RAD51B: variants seen among roughly 807,000 people sequenced by gnomAD.
RAD51B encodes the protein RAD51 paralog B.
In RAD51B, 38 loss-of-function variants were observed where a neutral mutation model predicts 42.2. That is an observed-to-expected ratio of 0.90 (90% CI 0.70 to 1.18). The LOEUF is 1.18. RAD51B is among the 50% of genes most tolerant of loss of function. The pLI is 0.00. For missense variants in RAD51B, 373 were observed against 400.7 expected (o/e 0.93, Z 0.59); for synonymous variants, 154 against 145.2 (o/e 1.06, Z -0.43).
At chr14:68,552,290 G>C (rs1888615950) in intron 10 of RAD51B, among the ~76,000 whole-genome samples, 1 of 152,184 alleles carries the variant, frequency 6.6e-6, no homozygotes, top group African/African-American at 2.4e-5. Flanking sequence ...CCCAGGCATT[G>C]GGATTGGGGT....
In RAD51B at chr14:67,909,248, T is replaced by G. The variant is rs562521976; in HGVS notation, c.756+22044T>G. On this transcript the variant is annotated intron_variant, in intron 7 of 10. Coordinates refer to ENST00000471583, the MANE Select transcript of RAD51B (RefSeq NM_133510.4). Reference sequence around the variant, plus strand: ...CACATGAAAAACAAAAGACTAACACTCTAGATGTGAGGTAATAAGAGCTTA... The same window carrying G: ...CACATGAAAAACAAAAGACTAACACGCTAGATGTGAGGTAATAAGAGCTTA... Among the ~76,000 whole-genome samples, 353 of 152,098 alleles carry G rather than the reference T, an allele frequency of 2.3e-3. 2 individuals carry two copies. Among genetic ancestry groups the G allele is most frequent in the Non-Finnish European group, 2.5e-3 (172 of 68,006 alleles).
intron 10 of RAD51B, among the ~76,000 whole-genome samples, chr14:68,547,678 A>G (rs1033379637): frequency 6.6e-6 from 1 of 152,146 alleles, no homozygotes. Context: ...TGAAACTCCA[A>G]GTACAAGTGA....
At chr14:68,291,657 A>G (rs1442659909) in intron 7 of RAD51B, among the ~76,000 whole-genome samples, 2 of 152,254 alleles carry the variant, frequency 1.3e-5, no homozygotes, top group Non-Finnish European at 2.9e-5. Flanking sequence ...GAAAAAAGTC[A>G]GTCTATTTCC....
At chr14:68,330,150 C>G (rs1376806087) in intron 8 of RAD51B, among the ~76,000 whole-genome samples, 2 of 152,168 alleles carry the variant, frequency 1.3e-5, no homozygotes, top group African/African-American at 4.8e-5. Flanking sequence ...TAGCAAAGCT[C>G]TCATTCAGCT....
At chr14:68,086,357 A>C in intron 7 of RAD51B, among the ~76,000 whole-genome samples, 1 of 151,824 alleles carries the variant, frequency 6.6e-6, no homozygotes, top group Non-Finnish European at 1.5e-5. Flanking sequence ...TCCAGCCACC[A>C]TGTGTCCGCC....
chr14:68,672,655 T>A (rs1416269293), intron 11 of RAD51B, among the ~76,000 whole-genome samples: 1 of 152,162 alleles, frequency 6.6e-6, no homozygotes, highest in Non-Finnish European at 1.5e-5. Context: ...GAAATCAGTG[T>A]TTTCCTTCAA....
intron 7 of RAD51B, among the ~76,000 whole-genome samples, chr14:68,175,728 C>A (rs2078951119): frequency 6.6e-6 from 1 of 152,138 alleles, no homozygotes; most frequent in Non-Finnish European, 1.5e-5. Flanking sequence ...AGATCACCAT[C>A]TCCTAGTAAG....
intron 7 of RAD51B, among the ~76,000 whole-genome samples, chr14:68,204,815 C>G (rs1566727484): frequency 2.0e-5 from 3 of 152,128 alleles, no homozygotes; most frequent in Non-Finnish European, 4.4e-5. Context: ...TGAAAAACTC[C>G]CAAATAATTA....
intron 3 of RAD51B, among the ~76,000 whole-genome samples, chr14:67,831,067 G>A (rs910765491): frequency 1.3e-5 from 2 of 151,856 alleles, no homozygotes; most frequent in Non-Finnish European, 2.9e-5. Context: ...AGTAGAGACG[G>A]TTTCAGCATG....
intron 7 of RAD51B, among the ~76,000 whole-genome samples, chr14:68,170,334 A>G (rs2078846073): frequency 1.3e-5 from 2 of 152,144 alleles, no homozygotes; most frequent in Non-Finnish European, 2.9e-5. Context: ...CATAGTAAGC[A>G]CTCATTAAAA....
chr14:68,284,164 G>C (rs1357042476), intron 7 of RAD51B, among the ~76,000 whole-genome samples: 1 of 152,142 alleles, frequency 6.6e-6, no homozygotes, highest in African/African-American at 2.4e-5. Flanking sequence ...GTTTTCCTCA[G>C]GGCTGATAAT....
chr14:68,365,309 C>T (rs2083119278), intron 8 of RAD51B, among the ~76,000 whole-genome samples: 1 of 152,238 alleles, frequency 6.6e-6, no homozygotes, highest in African/African-American at 2.4e-5. Flanking sequence ...GTGATCTCTA[C>T]CCACACCCTG....
At chr14:68,632,733 C>A (rs1011851783) in intron 10 of RAD51B, among the ~76,000 whole-genome samples, 2 of 152,124 alleles carry the variant, frequency 1.3e-5, no homozygotes, top group Admixed American at 1.3e-4. Context: ...CCAACAAACC[C>A]ACCGTTGGCC....
chr14:68,299,468 G>C (rs2081678234), intron 8 of RAD51B, among the ~76,000 whole-genome samples: 1 of 152,132 alleles, frequency 6.6e-6, no homozygotes, highest in South Asian at 2.1e-4. Flanking sequence ...CACTGTATTA[G>C]GTATTATAAA....
intron 10 of RAD51B, among the ~76,000 whole-genome samples, chr14:68,528,825 T>A (rs1379466457): frequency 6.6e-6 from 1 of 152,240 alleles, no homozygotes; most frequent in Non-Finnish European, 1.5e-5. Context: ...GTTTTAAATG[T>A]TATTTCATTA....
chr14:68,116,295 A>G (rs1022216681), intron 7 of RAD51B, among the ~76,000 whole-genome samples: 1 of 150,386 alleles, frequency 6.6e-6, no homozygotes, highest in African/African-American at 2.4e-5. Flanking sequence ...ATTTGCTGAT[A>G]TTCTGAATTT....
At chr14:67,886,650 G>A (rs775180691) in intron 6 of RAD51B, 3 of 236,164 alleles carry the variant, frequency 1.3e-5, no homozygotes, top group Non-Finnish European at 2.5e-5. Context: ...CTTGTCATAT[G>A]CTTGTGGTCA....
chr14:68,344,983 G>A (rs1358495590), intron 8 of RAD51B, among the ~76,000 whole-genome samples: 1 of 150,014 alleles, frequency 6.7e-6, no homozygotes, highest in Admixed American at 6.7e-5. Flanking sequence ...TTTAATGACT[G>A]CCCTTCTGGG....
At chr14:67,973,710 T>C (rs1291378426) in intron 7 of RAD51B, among the ~76,000 whole-genome samples, 3 of 152,174 alleles carry the variant, frequency 2.0e-5, no homozygotes, top group Admixed American at 6.6e-5. Flanking sequence ...TGTAAGAATT[T>C]GTCCTGATTA....
Sources: gnomAD v4.1 joint callset for allele counts (sites outside exome capture counted in the v4.1 genomes callset) on GRCh38, gnomAD v4.1.1 for gene constraint, MANE v1.5 for transcripts, NCBI Gene and HGNC (gene_info 2026-07-23, HGNC 2026-07-21) for gene names.